KATNAL1: variants seen among roughly 807,000 people sequenced by gnomAD.
KATNAL1 encodes the protein katanin catalytic subunit A1 like 1, also known as katanin p60 ATPase-containing subunit A-like 1.
In KATNAL1, 32 loss-of-function variants were observed where a neutral mutation model predicts 55.2. The ratio of observed to expected loss-of-function variants is 0.58; its 90% CI spans 0.44 to 0.78. KATNAL1 has a LOEUF of 0.78. Among genes scored for constraint, KATNAL1 ranks in the 30% least tolerant of loss-of-function variants. KATNAL1 has a pLI of 0.00. For synonymous variants in KATNAL1, 193 were observed against 193.6 expected (o/e 1.00, Z 0.02); for missense variants, 466 against 600.9 (o/e 0.78, Z 2.35).
intron 3 of KATNAL1, among the ~76,000 whole-genome samples, chr13:30,273,758 G>T (rs911760016): frequency 1.3e-5 from 2 of 152,148 alleles, no homozygotes; most frequent in South Asian, 2.1e-4. Context: ...TATAAAGAAT[G>T]AACTTAAAAT....
chr13:30,253,595 G>T (rs1878531303), intron 4 of KATNAL1, among the ~76,000 whole-genome samples: 1 of 149,476 alleles, frequency 6.7e-6, no homozygotes, highest in South Asian at 2.1e-4. Context: ...AACCTGGGAG[G>T]TGGAGCCTGC....
At chr13:30,259,572 G>A (rs74904211) in intron 3 of KATNAL1, among the ~76,000 whole-genome samples, 1 of 152,210 alleles carries the variant, frequency 6.6e-6, no homozygotes, top group African/African-American at 2.4e-5. Flanking sequence ...AGAGCGAGGG[G>A]TCAGGGAGTT....
chr13:30,293,737 C>T (rs571060944), intron 1 of KATNAL1, among the ~76,000 whole-genome samples: 6 of 152,120 alleles, frequency 3.9e-5, no homozygotes, highest in African/African-American at 1.4e-4. Flanking sequence ...TACACAGGCC[C>T]ACCTCAGTTT....
At chr13:30,255,661 A>G in intron 3 of KATNAL1, 46 bp from the exon 4 acceptor site, 1 of 1,343,466 alleles carries the variant, frequency 7.4e-7, no homozygotes, top group Non-Finnish European at 9.6e-7. Context: ...ATTAAAATTA[A>G]TCAAAGGCAA....
At chr13:30,265,607 T>G (rs1593913097) in intron 3 of KATNAL1, among the ~76,000 whole-genome samples, 1 of 151,996 alleles carries the variant, frequency 6.6e-6, no homozygotes, top group Admixed American at 6.5e-5. Context: ...AATTTAACTA[T>G]GCAAAAAATA....
chr13:30,280,719 TTTTA>T lies in KATNAL1; in HGVS notation c.163-500_163-497del, dbSNP rs543753546. On this transcript the variant is annotated intron_variant, in intron 2 of 10. Transcript: ENST00000380615. ...ATACTATGAATTACAAACTTCCAGT[TTTTA>T]TTTAAATTCTCCTTCACCTGAAATC... 1.1e-3 allele frequency among the ~76,000 whole-genome samples: 171 copies of T among 152,302 alleles called. 1 individual carries two copies. The highest frequency in any genetic ancestry group is 4.0e-3 in the African/African-American group (166 of 41,584).
chr13:30,230,784 A>G (rs1428056176), intron 7 of KATNAL1, among the ~76,000 whole-genome samples, 190 bp from the exon 8 acceptor site: 1 of 152,216 alleles, frequency 6.6e-6, no homozygotes, highest in Non-Finnish European at 1.5e-5. Flanking sequence ...AATAAAGGTT[A>G]TATGGCTGGT....
chr13:30,222,304 G>T (rs1307697282), intron 9 of KATNAL1, among the ~76,000 whole-genome samples: 1 of 152,136 alleles, frequency 6.6e-6, no homozygotes, highest in African/African-American at 2.4e-5. Flanking sequence ...GGCTCTCCCT[G>T]GGTCTCCAGC....
chr13:30,247,510 A>G (rs1265684322), intron 4 of KATNAL1, among the ~76,000 whole-genome samples: 1 of 152,228 alleles, frequency 6.6e-6, no homozygotes, highest in Non-Finnish European at 1.5e-5. Flanking sequence ...CCCTGCCCTC[A>G]TGAGGCATAT....
In KATNAL1 at chr13:30,274,899, GCGCGCGCGCACACACACA is replaced by G. The variant is rs1485500654; in HGVS notation, c.323+5146_323+5163del. On this transcript the variant is annotated intron_variant, in intron 3 of 10. Transcript: ENST00000380615. The stretch of plus-strand genomic sequence containing the variant: ...GGTGTGTGCACACACATACGCGCGC[GCGCGCGCGCACACACACA>G]CACACACACACACACACACACACAC... Among the ~76,000 whole-genome samples the G allele has an allele frequency of 3.9e-3, 436 of 112,372 alleles. 1 individual carries two copies. Among genetic ancestry groups the G allele is most frequent in the Middle Eastern group, 0.02 (5 of 252 alleles). The allele number at this position is 112,372 out of a possible 152,430, so 73.7% of individuals were successfully genotyped here. A position where few individuals can be genotyped will look rare whatever the true frequency, so the allele number is the denominator to read the frequency against.
intron 1 of KATNAL1, among the ~76,000 whole-genome samples, chr13:30,292,576 T>C (rs75885417): frequency 0.02 from 3,079 of 152,304 alleles, 38 homozygotes; most frequent in Non-Finnish European, 0.032. Flanking sequence ...ACCTGACCTT[T>C]GCTCTGGAGA....
At chr13:30,249,072 A>AC (rs1455183127) in intron 4 of KATNAL1, among the ~76,000 whole-genome samples, 1 of 151,550 alleles carries the variant, frequency 6.6e-6, no homozygotes, top group Non-Finnish European at 1.5e-5. Flanking sequence ...AAAAAAAAAA[A>AC]ATTACAAAAA....
At chr13:30,257,740 T>C (rs1236299408) in intron 3 of KATNAL1, among the ~76,000 whole-genome samples, 1 of 152,234 alleles carries the variant, frequency 6.6e-6, no homozygotes, top group African/African-American at 2.4e-5. Flanking sequence ...GTTCTGCCAC[T>C]GAATATTCTG....
intron 2 of KATNAL1, among the ~76,000 whole-genome samples, chr13:30,282,847 C>T (rs568701669): frequency 6.1e-5 from 9 of 147,116 alleles, no homozygotes; most frequent in Non-Finnish European, 1.3e-4. Flanking sequence ...CCCAGCTACT[C>T]GGGAGGCTGA....
chr13:30,296,643 AG>A, intron 1 of KATNAL1: 2 of 688,190 alleles, frequency 2.9e-6, no homozygotes, highest in Non-Finnish European at 2.7e-6. Flanking sequence ...GGACGAGCAC[AG>A]GGAAGTTTGT....
In KATNAL1 at chr13:30,231,296, G is replaced by C. The variant is rs1566095071; in HGVS notation, c.885+18C>G. On this transcript the variant is annotated intron_variant, in intron 7 of 10. Transcript: ENST00000380615. ...GCCTACACACACTACTTTGAAATCT[G>C]AATATATCGTCACTCACCATCTCAA... 5.0e-6 allele frequency: 8 copies of C among 1,594,632 alleles called. No individual in the cohort carries two copies. In the Admixed American group the frequency reaches 1.4e-4, roughly 27 times the overall value.
chr13:30,242,997 CTA>C (rs1298816944), intron 4 of KATNAL1, among the ~76,000 whole-genome samples: 1 of 152,030 alleles, frequency 6.6e-6, no homozygotes, highest in Non-Finnish European at 1.5e-5. Flanking sequence ...CTAAAGGAAA[CTA>C]TTAGTTAAAG....
intron 9 of KATNAL1, among the ~76,000 whole-genome samples, chr13:30,226,433 G>C (rs1307991607): frequency 6.6e-6 from 1 of 152,218 alleles, no homozygotes; most frequent in Non-Finnish European, 1.5e-5. Flanking sequence ...ATAAGCTGCT[G>C]ATACATGTGA....
At chr13:30,260,179 A>G (rs1879154788) in intron 3 of KATNAL1, among the ~76,000 whole-genome samples, 2 of 152,194 alleles carry the variant, frequency 1.3e-5, no homozygotes, top group African/African-American at 4.8e-5. Flanking sequence ...TTAGAAGGAA[A>G]ACTAACAAAC....
Sources: gnomAD v4.1 joint callset for allele counts (sites outside exome capture counted in the v4.1 genomes callset) on GRCh38, gnomAD v4.1.1 for gene constraint, MANE v1.5 for transcripts, NCBI Gene and HGNC (gene_info 2026-07-23, HGNC 2026-07-21) for gene names.